CCDC13: variants seen among roughly 807,000 people sequenced by gnomAD.
CCDC13 encodes coiled-coil domain-containing protein 13.
Under a neutral mutation model 87.3 loss-of-function variants are expected in CCDC13, and 70 were observed. The observed-to-expected ratio is 0.80, with a 90% CI of 0.66 to 0.98. CCDC13 has a LOEUF of 0.98. Among genes scored for constraint, CCDC13 ranks in the 50% least tolerant of loss-of-function variants. The probability of loss-of-function intolerance (pLI) is 0.00; values close to 1 mark genes in which losing one functional copy is unlikely to be tolerated. For missense variants in CCDC13, 842 were observed against 892.0 expected, an observed-to-expected ratio of 0.94 and a Z score of 0.71; for synonymous variants, 317 against 360.3, an observed-to-expected ratio of 0.88 and a Z score of 1.36.
chr3:42,765,649 G>A (rs1037354001), intron 1 of CCDC13, among the ~76,000 whole-genome samples: 3 of 152,186 alleles, frequency 2.0e-5, no homozygotes, highest in Non-Finnish European at 4.4e-5. Context: ...TAAGCACTCT[G>A]AGAGGCTGTC....
In CCDC13 at chr3:42,745,989, CT is replaced by C; in HGVS notation, c.758del (p.Gln253ArgfsTer63). The C allele has an allele frequency of 6.2e-7, 1 of 1,614,186 alleles. No individual in the cohort carries two copies. Among genetic ancestry groups the C allele is most frequent in the South Asian group, 1.1e-5 (1 of 91,080 alleles). ...AGGTCCCTGGCGAAGATAGGAGCTG[CT>C]GAACGTTGATGTCTTCCCCAACCTC... is the stretch of plus-strand genomic sequence containing the variant. ...AREVGEDINVQQLLSSPGTWR... is the reference protein window; with the variant it reads ...AREVGEDINVXQLLSSPGTWR... On this transcript the variant is annotated frameshift_variant, in exon 7 of 16. Coordinates refer to ENST00000310232, the MANE Select transcript of CCDC13 (RefSeq NM_144719.4). LOFTEE classifies it high-confidence loss of function.
intron 1 of CCDC13, among the ~76,000 whole-genome samples, chr3:42,770,046 G>T (rs185094618): frequency 2.0e-5 from 3 of 152,264 alleles, no homozygotes; most frequent in African/African-American, 7.2e-5. Context: ...GGGCTGAGGA[G>T]TGCGGGCACA....
chr3:42,722,608 G>A (rs771111897), intron 13 of CCDC13, among the ~76,000 whole-genome samples: 48 of 152,230 alleles, frequency 3.2e-4, no homozygotes, highest in Middle Eastern at 3.4e-3. Flanking sequence ...ACTCCCATCA[G>A]TGCCATGACA....
intron 1 of CCDC13, among the ~76,000 whole-genome samples, chr3:42,766,165 G>A (rs1363223633): frequency 6.6e-6 from 1 of 152,168 alleles, no homozygotes; most frequent in Non-Finnish European, 1.5e-5. Context: ...GAGACAGCAG[G>A]CCCTGACAGA....
intron 9 of CCDC13, among the ~76,000 whole-genome samples, chr3:42,738,179 A>C: frequency 6.6e-6 from 1 of 152,172 alleles, no homozygotes; most frequent in South Asian, 2.1e-4. Flanking sequence ...TCCTTCCCCC[A>C]TTTCTTGTTT....
At chr3:42,743,699 C>G (rs2372114) in intron 7 of CCDC13, among the ~76,000 whole-genome samples, 24,049 of 148,660 alleles carry the variant, frequency 0.16, 2,028 homozygotes, top group South Asian at 0.25. Context: ...GGGGTTTCAC[C>G]ATGTTGCCCA....
At chr3:42,736,169 G>A (rs1450652491) in intron 9 of CCDC13, among the ~76,000 whole-genome samples, 2 of 152,262 alleles carry the variant, frequency 1.3e-5, no homozygotes, top group Non-Finnish European at 1.5e-5. Context: ...GGGGCTCTCA[G>A]ACAACAGAAA....
At position 42,713,143 on chromosome 3, in the gene CCDC13, C is replaced by G. The variant is rs1244339066; in HGVS notation, c.1873+19G>C. On this transcript the variant is annotated intron_variant, in intron 14 of 15. Transcript: ENST00000310232. The stretch of plus-strand genomic sequence containing the variant: ...ACTGCCTCCACCCCCTGCACTGAGA[C>G]TACTGCCCTGGCCCCTACCTGTTTT... The G allele has an allele frequency of 8.1e-6, 13 of 1,611,426 alleles. No individual in the cohort carries two copies. The highest frequency in any genetic ancestry group is 3.3e-5 in the Admixed American group (2 of 59,818).
chr3:42,717,587 T>C (rs562698844), intron 13 of CCDC13, among the ~76,000 whole-genome samples: 1 of 152,340 alleles, frequency 6.6e-6, no homozygotes, highest in East Asian at 1.9e-4. Flanking sequence ...TCAGTGCCAC[T>C]GAATTGTATA....
At position 42,709,737 on chromosome 3, in the gene CCDC13, A is replaced by G; in HGVS notation, c.1935T>C (p.Phe645=). The part of the protein sequence containing the change: ...PTGSEKKDPS[F]AQLSDVPVES... ...CCACGGGCACATCGGAGAGCTGGGC[A>G]AAGGATGGGTCCTTCTTCTCGCTCC... The change falls in exon 15 of 16, where the codon TTT becomes TTC. Residue 645 remains phenylalanine, a synonymous_variant. Transcript: ENST00000310232. The G allele has an allele frequency of 6.2e-7, 1 of 1,614,172 alleles. No homozygotes were observed. The highest frequency in any genetic ancestry group is 1.1e-5 in the South Asian group (1 of 91,082).
chr3:42,724,629 A>G (rs1575281155), intron 13 of CCDC13, among the ~76,000 whole-genome samples: 1 of 152,368 alleles, frequency 6.6e-6, no homozygotes, highest in Non-Finnish European at 1.5e-5. Flanking sequence ...CTCCAAACTC[A>G]TGTTCATCAA....
At chr3:42,751,895 G>A (rs771688604) in intron 5 of CCDC13, 41 bp downstream of exon 5, 1 of 1,573,454 alleles carries the variant, frequency 6.4e-7, no homozygotes, top group East Asian at 2.2e-5. Flanking sequence ...CCAGGCCCAT[G>A]GCTGCCTCAC....
chr3:42,747,116 C>A, intron 6 of CCDC13, 141 bp downstream of exon 6: 1 of 783,288 alleles, frequency 1.3e-6, no homozygotes, highest in Non-Finnish European at 2.3e-6. Context: ...AGGACTGGAA[C>A]TGGAGCCTGA....
At chr3:42,712,231 G>T (rs536887524) in intron 14 of CCDC13, among the ~76,000 whole-genome samples, 19 of 152,164 alleles carry the variant, frequency 1.2e-4, no homozygotes, top group Admixed American at 2.6e-4. Context: ...TTGAAAGAGG[G>T]TGCAGTGGGG....
chr3:42,709,297 A>G (rs1247828011), intron 15 of CCDC13, among the ~76,000 whole-genome samples, 158 bp from the exon 16 acceptor site: 1 of 152,162 alleles, frequency 6.6e-6, no homozygotes, highest in East Asian at 1.9e-4. Flanking sequence ...TGTGGGTACC[A>G]TGGATTCCTC....
rs1003376615 is a variant in CCDC13 at position 42,707,966 on chromosome 3, G to A, written c.*1014C>T. Among the ~76,000 whole-genome samples, 9 of 152,142 alleles carry A rather than the reference G, an allele frequency of 5.9e-5. No homozygotes were observed. Among genetic ancestry groups the A allele is most frequent in the South Asian group, 2.1e-4 (1 of 4,826 alleles). ...AACACTGACAGTCATAGAGGCCTGC[G>A]GATCTTAGGGTGCCCCTGCAGCATC... On this transcript the variant is annotated 3_prime_UTR_variant, in exon 16 of 16. Coordinates refer to ENST00000310232, the MANE Select transcript of CCDC13 (RefSeq NM_144719.4).
intron 13 of CCDC13, among the ~76,000 whole-genome samples, chr3:42,725,224 T>C (rs62250122): frequency 0.17 from 25,361 of 152,190 alleles, 2,201 homozygotes; most frequent in South Asian, 0.25. Flanking sequence ...GGTAAGAATG[T>C]AAATTGATTC....
intron 6 of CCDC13, 21 bp downstream of exon 6, chr3:42,747,236 C>T (rs778912135): frequency 1.3e-6 from 2 of 1,592,036 alleles, no homozygotes; most frequent in Non-Finnish European, 1.7e-6. Context: ...CAAGAAGCCC[C>T]AAGCCCTGGC....
intron 9 of CCDC13, among the ~76,000 whole-genome samples, chr3:42,736,305 A>C (rs1191095987): frequency 1.3e-5 from 2 of 152,096 alleles, no homozygotes; most frequent in Non-Finnish European, 2.9e-5. Flanking sequence ...ATCCATTAGC[A>C]CCTGACTGAA....
Sources: gnomAD v4.1 joint callset for allele counts (sites outside exome capture counted in the v4.1 genomes callset) on GRCh38, gnomAD v4.1.1 for gene constraint, MANE v1.5 for transcripts, NCBI Gene and HGNC (gene_info 2026-07-23, HGNC 2026-07-21) for gene names.